HS3ST4: variants seen among roughly 807,000 people sequenced by gnomAD.
HS3ST4 encodes heparan sulfate-glucosamine 3-sulfotransferase 4.
HS3ST4 carries 17 observed loss-of-function variants against 29.2 expected under a neutral mutation model. The ratio of observed to expected loss-of-function variants is 0.58; its 90% CI spans 0.40 to 0.87. The LOEUF (loss-of-function observed/expected upper bound fraction) is 0.87. HS3ST4 is among the 40% of genes least tolerant of loss of function. The pLI, the probability that HS3ST4 is intolerant of heterozygous loss-of-function variation, is 0.00. For missense variants in HS3ST4, 627 were observed against 634.5 expected (o/e 0.99, Z 0.13); for synonymous variants, 314 against 285.7 (o/e 1.10, Z -1.00).
chr16:26,072,864 T>C (rs1382467937), intron 1 of HS3ST4, among the ~76,000 whole-genome samples: 6 of 152,218 alleles, frequency 3.9e-5, no homozygotes, highest in African/African-American at 7.2e-5. Flanking sequence ...TTCAAGATCA[T>C]TGAGTTTGGT....
At chr16:25,854,949 G>A (rs1328585525) in intron 1 of HS3ST4, among the ~76,000 whole-genome samples, 1 of 152,146 alleles carries the variant, frequency 6.6e-6, no homozygotes, top group Non-Finnish European at 1.5e-5. Context: ...CAGAAAATGT[G>A]TCCGAGGTGG....
Position 25,693,051 on chromosome 16 carries a change from G to T in HS3ST4, c.634G>T (p.Ala212Ser). Residue 212 changes from alanine (A) to serine (S), a missense_variant, in exon 1 of 2, where the codon GCG (alanine) becomes TCG (serine). Ala to Ser is a moderately conservative substitution (Grantham distance 99). This residue lies in a region of HS3ST4 where 402 missense variants were observed against 340.8 expected (regional missense o/e 1.18). Transcript: ENST00000331351. ...IIGVKKGGTR[A>S]LLEAIRVHPD... Reference sequence around the variant, plus strand: ...CGGGGTCAAGAAAGGAGGGACCCGCGCGCTGCTGGAGGCGATCCGCGTGCA... The same window carrying T: ...CGGGGTCAAGAAAGGAGGGACCCGCTCGCTGCTGGAGGCGATCCGCGTGCA... 1 of 1,610,162 alleles carries T rather than the reference G, an allele frequency of 6.2e-7. No homozygotes were observed. Among genetic ancestry groups the T allele is most frequent in the Non-Finnish European group, 8.5e-7 (1 of 1,178,534 alleles).
rs1161966151 is a variant in HS3ST4 at position 25,857,902 on chromosome 16, TCC to T, written c.734+164752_734+164753del. 1.5e-4 allele frequency among the ~76,000 whole-genome samples: 11 copies of T among 75,426 alleles called. 1 individual carries two copies. Among genetic ancestry groups the T allele is most frequent in the South Asian group, 8.9e-4 (2 of 2,246 alleles). 49.5% of individuals were successfully genotyped at this position (75,426 alleles called of 152,430 possible). ...TCTTTCTTTCTTTCTTTTTCTTTCT[TCC>T]TTCCTTCCTTCCTTCCTTTCTTTCT... On this transcript the variant is annotated intron_variant, in intron 1 of 1. Coordinates refer to ENST00000331351, the MANE Select transcript of HS3ST4 (RefSeq NM_006040.3).
intron 1 of HS3ST4, among the ~76,000 whole-genome samples, chr16:25,779,217 G>A (rs1966850515): frequency 6.6e-6 from 1 of 152,194 alleles, no homozygotes; most frequent in African/African-American, 2.4e-5. Context: ...AGAAAGGTGG[G>A]TCACCAAACC....
At chr16:25,847,954 A>G (rs1015874678) in intron 1 of HS3ST4, among the ~76,000 whole-genome samples, 2 of 152,198 alleles carry the variant, frequency 1.3e-5, no homozygotes, top group African/African-American at 4.8e-5. Context: ...TACTGCTGGT[A>G]AAATACAATT....
intron 1 of HS3ST4, among the ~76,000 whole-genome samples, chr16:25,779,054 T>C (rs901451313): frequency 6.6e-6 from 1 of 152,184 alleles, no homozygotes; most frequent in African/African-American, 2.4e-5. Flanking sequence ...ATGGAAAACC[T>C]TGTCTCTTAC....
chr16:25,802,512 A>C (rs149958652), intron 1 of HS3ST4, among the ~76,000 whole-genome samples: 1 of 152,182 alleles, frequency 6.6e-6, no homozygotes, highest in East Asian at 1.9e-4. Flanking sequence ...TTTATTCTTT[A>C]ATACTGCAGT....
intron 1 of HS3ST4, among the ~76,000 whole-genome samples, chr16:26,078,778 T>TA (rs1212075446): frequency 1.3e-5 from 2 of 152,144 alleles, no homozygotes; most frequent in Admixed American, 1.3e-4. Context: ...TACAGGCAAA[T>TA]AGATTTGGTT....
At chr16:26,000,901 A>C (rs1253089804) in intron 1 of HS3ST4, among the ~76,000 whole-genome samples, 1 of 152,168 alleles carries the variant, frequency 6.6e-6, no homozygotes, top group Non-Finnish European at 1.5e-5. Flanking sequence ...CCAGCTGGGG[A>C]AAGTTTTGTT....
intron 1 of HS3ST4, among the ~76,000 whole-genome samples, chr16:25,789,233 TCTC>T (rs1375040692): frequency 6.6e-6 from 1 of 151,992 alleles, no homozygotes; most frequent in Non-Finnish European, 1.5e-5. Flanking sequence ...TCCATCACCT[TCTC>T]CTCCTCCTCC....
chr16:25,866,787 C>T (rs1346670117), intron 1 of HS3ST4, among the ~76,000 whole-genome samples: 1 of 151,398 alleles, frequency 6.6e-6, no homozygotes, highest in Non-Finnish European at 1.5e-5. Context: ...CAAGCCTGCA[C>T]ATTCTGCACA....
At chr16:25,850,455 C>A (rs997765480) in intron 1 of HS3ST4, among the ~76,000 whole-genome samples, 29 of 152,046 alleles carry the variant, frequency 1.9e-4, no homozygotes, top group Non-Finnish European at 1.2e-4. Flanking sequence ...AATGCCTAGC[C>A]CCCCAAATAA....
At position 25,864,945 on chromosome 16, in the gene HS3ST4, C is replaced by T. The variant is rs923473360; in HGVS notation, c.734+171794C>T. Among the ~76,000 whole-genome samples the T allele has an allele frequency of 7.9e-3, 1,181 of 149,932 alleles. 13 individuals carry two copies. Among genetic ancestry groups the T allele is most frequent in the African/African-American group, 0.027 (1,119 of 40,834 alleles). Reference sequence around the variant, plus strand: ...ATGGAATATTATATATATACACACACATATATATATACATATATACACACA... The same window carrying T: ...ATGGAATATTATATATATACACACATATATATATATACATATATACACACA... On this transcript the variant is annotated intron_variant, in intron 1 of 1. Coordinates refer to ENST00000331351, the MANE Select transcript of HS3ST4 (RefSeq NM_006040.3).
intron 1 of HS3ST4, among the ~76,000 whole-genome samples, chr16:25,981,598 ATGG>A (rs1329038829): frequency 7.3e-6 from 1 of 136,676 alleles, no homozygotes; most frequent in Non-Finnish European, 1.5e-5. Flanking sequence ...TGCTGATGTA[ATGG>A]TGGAGTTCTT....
At chr16:26,134,870 C>G (rs1367622621) in intron 1 of HS3ST4, among the ~76,000 whole-genome samples, 1 of 152,206 alleles carries the variant, frequency 6.6e-6, no homozygotes, top group Non-Finnish European at 1.5e-5. Context: ...CTTACCTCCT[C>G]AGCTCTGCTG....
At chr16:25,998,766 G>A (rs181103935) in intron 1 of HS3ST4, among the ~76,000 whole-genome samples, 1 of 152,102 alleles carries the variant, frequency 6.6e-6, no homozygotes, top group East Asian at 1.9e-4. Context: ...TTACTTCCTG[G>A]GATGAATTTT....
intron 1 of HS3ST4, among the ~76,000 whole-genome samples, chr16:25,839,392 C>T (rs891161881): frequency 1.3e-5 from 2 of 152,184 alleles, no homozygotes; most frequent in African/African-American, 2.4e-5. Flanking sequence ...TGTGAAATCA[C>T]CCATTGGATC....
Position 26,032,586 on chromosome 16 carries a change from T to G in HS3ST4, c.735-103026T>G, listed in dbSNP as rs1969541297. On this transcript the variant is annotated intron_variant, in intron 1 of 1. Transcript: ENST00000331351. Reference sequence around the variant, plus strand: ...TCAGCTTTCTGTGCCTGGTCTGTTTTGGCATCTCCATTTTCTGCAGGGTTA... The same window carrying G: ...TCAGCTTTCTGTGCCTGGTCTGTTTGGGCATCTCCATTTTCTGCAGGGTTA... 4 of 1,390,052 alleles carry G rather than the reference T, an allele frequency of 2.9e-6. No individual in the cohort carries two copies. The East Asian group carries it at 9.1e-5, about 32-fold the overall frequency. The allele number at this position is 1,390,052 out of a possible 1,614,324, so 86.1% of individuals were successfully genotyped here.
chr16:25,914,212 TGTG>T (rs762632203), intron 1 of HS3ST4, among the ~76,000 whole-genome samples: 1 of 146,572 alleles, frequency 6.8e-6, no homozygotes, highest in African/African-American at 2.5e-5. Flanking sequence ...GTGTGTAGGG[TGTG>T]GTGTGTGTAA....
Sources: gnomAD v4.1 joint callset for allele counts (sites outside exome capture counted in the v4.1 genomes callset) on GRCh38, gnomAD v4.1.1 for gene constraint, gnomAD v4.1.1 regional missense constraint, MANE v1.5 for transcripts, NCBI Gene and HGNC (gene_info 2026-07-23, HGNC 2026-07-21) for gene names.